The following NAALADL2 variants were observed in gnomAD, a reference collection of about 807,000 sequenced individuals.
The protein encoded by NAALADL2 is inactive N-acetylated-alpha-linked acidic dipeptidase-like protein 2.
A neutral mutation model predicts 87.2 loss-of-function variants in NAALADL2; 76 were observed. The observed-to-expected ratio is 0.87, with a 90% confidence interval of 0.72 to 1.05. NAALADL2 has a LOEUF of 1.05. Among genes scored for constraint, NAALADL2 ranks in the 50% least tolerant of loss-of-function variants. The pLI, the probability that NAALADL2 is intolerant of heterozygous loss-of-function variation, is 0.00. For synonymous variants in NAALADL2, 354 were observed against 331.0 expected (o/e 1.07, Z -0.75); for missense variants, 1,089 against 945.8 (o/e 1.15, Z -1.99).
intron 1 of NAALADL2, among the ~76,000 whole-genome samples, chr3:174,525,121 C>G (rs1469782793): frequency 6.6e-6 from 1 of 152,198 alleles, no homozygotes; most frequent in Non-Finnish European, 1.5e-5. Flanking sequence ...AATCACCTAA[C>G]AGTGCATTTC....
chr3:175,646,167 T>C (rs1729977135), intron 11 of NAALADL2, among the ~76,000 whole-genome samples: 1 of 152,124 alleles, frequency 6.6e-6, no homozygotes, highest in Non-Finnish European at 1.5e-5. Context: ...CAAATTTTTA[T>C]GTATAGCTTT....
intron 5 of NAALADL2, among the ~76,000 whole-genome samples, chr3:175,342,801 TA>T (rs1762703065): frequency 6.6e-6 from 1 of 152,102 alleles, no homozygotes; most frequent in Admixed American, 6.6e-5. Flanking sequence ...TCACAACTGG[TA>T]TTGTCCTCAG....
At chr3:174,912,333 C>T (rs1277114972) in intron 1 of NAALADL2, among the ~76,000 whole-genome samples, 1 of 151,380 alleles carries the variant, frequency 6.6e-6, no homozygotes, top group African/African-American at 2.4e-5. Context: ...TGAAAAAGCT[C>T]TGCAACTTCA....
chr3:174,495,535 A>G (rs1290490244), intron 1 of NAALADL2, among the ~76,000 whole-genome samples: 3 of 152,160 alleles, frequency 2.0e-5, no homozygotes. Context: ...ACATACCACA[A>G]GGGCATGAGC....
intron 9 of NAALADL2, among the ~76,000 whole-genome samples, chr3:175,536,461 TG>T (rs1734828001): frequency 6.6e-6 from 1 of 152,162 alleles, no homozygotes; most frequent in African/African-American, 2.4e-5. Context: ...AAGTCTTTTT[TG>T]CTAGCCTAAT....
At position 175,037,050 on chromosome 3, in the gene NAALADL2, T is replaced by C. The variant is rs374002631; in HGVS notation, c.44-59740T>C. On this transcript the variant is annotated intron_variant, in intron 1 of 13. Transcript: ENST00000454872. ...GGGGTTCTGACCGAGAGTACCCTGC[T>C]TGGGCCTCCTTTAACTACGTTTCTC... 3.3e-5 allele frequency among the ~76,000 whole-genome samples: 5 copies of C among 152,226 alleles called. No individual in the cohort carries two copies. The South Asian group carries it at 1.0e-3, about 32-fold the overall frequency.
intron 5 of NAALADL2, among the ~76,000 whole-genome samples, chr3:175,398,862 G>A (rs1487962519): frequency 6.6e-6 from 1 of 151,988 alleles, no homozygotes; most frequent in African/African-American, 2.4e-5. Context: ...CAGACCCCAA[G>A]AGAGGGTTCT....
chr3:174,611,265 T>C (rs560913259), intron 2 of NAALADL2, among the ~76,000 whole-genome samples: 1 of 152,146 alleles, frequency 6.6e-6, no homozygotes, highest in South Asian at 2.1e-4. Flanking sequence ...TGTATACATA[T>C]GTAACTAACC....
At chr3:175,324,427 C>T in intron 5 of NAALADL2, 102 bp downstream of exon 5, 1 of 851,972 alleles carries the variant, frequency 1.2e-6, no homozygotes, top group Non-Finnish European at 1.7e-6. Flanking sequence ...TCAAATAATT[C>T]TTAGCATCCC....
At chr3:175,724,651 AG>A (rs1199891656) in intron 11 of NAALADL2, among the ~76,000 whole-genome samples, 3 of 152,128 alleles carry the variant, frequency 2.0e-5, no homozygotes, top group African/African-American at 7.2e-5. Flanking sequence ...AAATCTCACT[AG>A]GTAGAAGCAG....
chr3:175,322,183 G>T (rs972775529), intron 4 of NAALADL2, among the ~76,000 whole-genome samples: 3 of 150,994 alleles, frequency 2.0e-5, no homozygotes, highest in South Asian at 2.1e-4. Context: ...AAATAATGCC[G>T]CATACCTACA....
intron 2 of NAALADL2, among the ~76,000 whole-genome samples, chr3:175,220,791 TTTTC>T (rs1425532452): frequency 1.3e-5 from 2 of 152,202 alleles, no homozygotes; most frequent in Non-Finnish European, 2.9e-5. Flanking sequence ...TCGTTTATCT[TTTTC>T]TTTCATTTTT....
intron 2 of NAALADL2, among the ~76,000 whole-genome samples, chr3:175,231,739 G>T (rs1744964952): frequency 1.3e-5 from 2 of 152,010 alleles, no homozygotes; most frequent in African/African-American, 4.8e-5. Context: ...TCTTCTCTTT[G>T]TCTGTCAATG....
At chr3:175,774,553 C>T (rs1233086392) in intron 13 of NAALADL2, among the ~76,000 whole-genome samples, 1 of 151,764 alleles carries the variant, frequency 6.6e-6, no homozygotes, top group Non-Finnish European at 1.5e-5. Context: ...ATAAGCCTGA[C>T]TCATTGGTTT....
intron 5 of NAALADL2, among the ~76,000 whole-genome samples, chr3:175,330,804 T>C (rs1259143352): frequency 6.6e-6 from 1 of 151,704 alleles, no homozygotes; most frequent in Admixed American, 6.6e-5. Context: ...AATAATAAAA[T>C]ATCAGAGTAG....
At position 174,824,771 on chromosome 3, in the gene NAALADL2, G is replaced by A. The variant is rs530105412; in HGVS notation, c.-9+87025G>A. 1.4e-4 allele frequency among the ~76,000 whole-genome samples: 22 copies of A among 152,138 alleles called. No individual in the cohort carries two copies. In the East Asian group the frequency reaches 3.9e-3, roughly 27 times the overall value. Reference sequence around the variant, plus strand: ...CTGACATTCATTATGTCTGTGCTTCGGTCACTTATGGGACAAAATGGCCAT... The same window carrying A: ...CTGACATTCATTATGTCTGTGCTTCAGTCACTTATGGGACAAAATGGCCAT... On this transcript the variant is annotated intron_variant, in intron 3 of 3. Transcript: ENST00000434257.
At chr3:174,701,009 A>G (rs1729498162) in intron 2 of NAALADL2, among the ~76,000 whole-genome samples, 1 of 152,144 alleles carries the variant, frequency 6.6e-6, no homozygotes, top group Non-Finnish European at 1.5e-5. Context: ...GTGTTAAGAC[A>G]TTAAAGAAAC....
At chr3:175,172,824 A>G (rs1042696724) in intron 2 of NAALADL2, among the ~76,000 whole-genome samples, 4 of 152,152 alleles carry the variant, frequency 2.6e-5, no homozygotes, top group Non-Finnish European at 4.4e-5. Context: ...TGTCTCCTGA[A>G]TACTTGGCGA....
chr3:175,305,891 T>C (rs1436042527), intron 4 of NAALADL2, among the ~76,000 whole-genome samples: 1 of 152,218 alleles, frequency 6.6e-6, no homozygotes, highest in African/African-American at 2.4e-5. Flanking sequence ...TAGTTTAACA[T>C]TTTTATATGA....
Sources: allele counts gnomAD v4.1 joint callset (sites outside exome capture counted in the v4.1 genomes callset), GRCh38; gene constraint gnomAD v4.1.1; transcripts MANE v1.5; gene names NCBI Gene and HGNC (gene_info 2026-07-23, HGNC 2026-07-21).